Variants in CACNA2D3 observed in about 807,000 individuals in gnomAD.
The protein encoded by CACNA2D3 is voltage-dependent calcium channel subunit alpha-2/delta-3.
Under a neutral mutation model 160.6 loss-of-function variants are expected in CACNA2D3, and 60 were observed. The ratio of observed to expected loss-of-function variants is 0.37; its 90% confidence interval spans 0.30 to 0.46. The LOEUF is 0.46. CACNA2D3 is among the 20% of genes least tolerant of loss of function. The probability of loss-of-function intolerance (pLI) is 1.00; values close to 1 mark genes in which losing one functional copy is unlikely to be tolerated. For missense variants in CACNA2D3, 1,205 were observed against 1,365.0 expected (o/e 0.88, Z 1.85); for synonymous variants, 558 against 492.9 (o/e 1.13, Z -1.75).
chr3:54,597,725 T>A (rs372357362), intron 9 of CACNA2D3, among the ~76,000 whole-genome samples: 1 of 152,144 alleles, frequency 6.6e-6, no homozygotes, highest in South Asian at 2.1e-4. Flanking sequence ...ATAGGAACCC[T>A]AGATCCCGAG....
intron 11 of CACNA2D3, among the ~76,000 whole-genome samples, chr3:54,739,206 G>C (rs1701591167): frequency 6.6e-6 from 1 of 151,822 alleles, no homozygotes; most frequent in South Asian, 2.1e-4. Flanking sequence ...GATCACCTGA[G>C]GTCAGGATTT....
At chr3:54,503,418 T>C (rs1200941492) in intron 4 of CACNA2D3, 74 bp from the exon 5 acceptor site, 12 of 1,359,134 alleles carry the variant, frequency 8.8e-6, no homozygotes, top group Admixed American at 6.9e-5. Flanking sequence ...GCACATGGCC[T>C]GTGCCCAGGT....
rs141160959 is a variant in CACNA2D3 at position 54,210,923 on chromosome 3, T to C, written c.204+87329T>C. Among the ~76,000 whole-genome samples the C allele has an allele frequency of 4.9e-3, 748 of 152,268 alleles. 4 individuals are homozygous for C. Among genetic ancestry groups the C allele is most frequent in the Non-Finnish European group, 8.6e-3 (588 of 68,014 alleles). ...GTACCCATGTTTTAATGGAGGGATA[T>C]GTTAACTGGACTGGATATATAATGA... On this transcript the variant is annotated intron_variant, in intron 2 of 37. Transcript: ENST00000474759.
intron 10 of CACNA2D3, chr3:54,632,790 G>A (rs940809887): frequency 6.6e-6 from 1 of 152,158 alleles, no homozygotes. Flanking sequence ...AAGAATTGAT[G>A]GGTCTTTCAA....
intron 28 of CACNA2D3, among the ~76,000 whole-genome samples, chr3:54,969,459 C>T (rs891407839): frequency 1.3e-4 from 20 of 152,078 alleles, no homozygotes; most frequent in Non-Finnish European, 2.6e-4. Flanking sequence ...TGGGATTTCG[C>T]CATGTGGCCA....
intron 2 of CACNA2D3, among the ~76,000 whole-genome samples, chr3:54,191,405 AT>A (rs2107336955): frequency 6.6e-6 from 1 of 151,246 alleles, no homozygotes; most frequent in East Asian, 1.9e-4. Context: ...CAACATCATC[AT>A]CATCATCATC....
chr3:54,486,166 A>G (rs1413330268), intron 4 of CACNA2D3, among the ~76,000 whole-genome samples: 1 of 152,204 alleles, frequency 6.6e-6, no homozygotes, highest in Admixed American at 6.5e-5. Context: ...CCTGGAGAGA[A>G]GTAGAAAGGA....
chr3:54,368,706 T>TTTTTTTC (rs2107546986), intron 3 of CACNA2D3, among the ~76,000 whole-genome samples: 1 of 122,152 alleles, frequency 8.2e-6, no homozygotes, highest in East Asian at 2.2e-4. Flanking sequence ...TTTTTTTTTT[T>TTTTTTTC]TTTTTTTTTT....
chr3:54,533,170 A>G (rs570619444), intron 5 of CACNA2D3, among the ~76,000 whole-genome samples: 1 of 152,098 alleles, frequency 6.6e-6, no homozygotes, highest in East Asian at 1.9e-4. Context: ...ACCTAGCCTC[A>G]TTCCTGAAAG....
At chr3:54,540,200 A>G (rs1486163553) in intron 5 of CACNA2D3, among the ~76,000 whole-genome samples, 1 of 152,176 alleles carries the variant, frequency 6.6e-6, no homozygotes, top group African/African-American at 2.4e-5. Flanking sequence ...GTTTATGGAA[A>G]TAATGATTTC....
At chr3:54,683,250 C>G (rs974791472) in intron 11 of CACNA2D3, among the ~76,000 whole-genome samples, 1 of 152,144 alleles carries the variant, frequency 6.6e-6, no homozygotes, top group African/African-American at 2.4e-5. Flanking sequence ...GATGGCAGCT[C>G]CCCACAGATA....
intron 35 of CACNA2D3, among the ~76,000 whole-genome samples, chr3:55,051,040 T>G (rs1373734487): frequency 1.3e-5 from 2 of 150,162 alleles, no homozygotes; most frequent in Non-Finnish European, 3.0e-5. Flanking sequence ...TTCTTTGCCT[T>G]TGGTTTGAAT....
intron 4 of CACNA2D3, among the ~76,000 whole-genome samples, chr3:54,451,453 A>T (rs1700307532): frequency 6.6e-6 from 1 of 151,888 alleles, no homozygotes. Context: ...TCTTCTACAA[A>T]TGTCAAGTGG....
At chr3:54,649,139 G>C (rs972095423) in intron 11 of CACNA2D3, among the ~76,000 whole-genome samples, 1 of 152,092 alleles carries the variant, frequency 6.6e-6, no homozygotes, top group Non-Finnish European at 1.5e-5. Flanking sequence ...AATGTTTAGC[G>C]GCCCTTTCTC....
intron 2 of CACNA2D3, among the ~76,000 whole-genome samples, chr3:54,148,838 G>A (rs901704467): frequency 1.3e-5 from 2 of 151,964 alleles, no homozygotes; most frequent in Non-Finnish European, 2.9e-5. Flanking sequence ...TTAGCCGGGT[G>A]TGGTGGTGGG....
At chr3:54,817,647 C>A (rs898400733) in intron 14 of CACNA2D3, among the ~76,000 whole-genome samples, 2 of 152,166 alleles carry the variant, frequency 1.3e-5, no homozygotes, top group Admixed American at 1.3e-4. Flanking sequence ...AGGGCACCCC[C>A]CTGAAATTTA....
At chr3:54,448,424 G>A (rs1267080468) in intron 4 of CACNA2D3, among the ~76,000 whole-genome samples, 1 of 152,138 alleles carries the variant, frequency 6.6e-6, no homozygotes, top group Non-Finnish European at 1.5e-5. Flanking sequence ...ATGTCGTCAG[G>A]ACCCAAGCAC....
At chr3:54,187,078 G>A (rs950279459) in intron 2 of CACNA2D3, among the ~76,000 whole-genome samples, 3 of 152,196 alleles carry the variant, frequency 2.0e-5, no homozygotes, top group African/African-American at 7.2e-5. Flanking sequence ...TGCTGCTGCT[G>A]TCCCTGGGAG....
intron 4 of CACNA2D3, among the ~76,000 whole-genome samples, chr3:54,439,187 G>A (rs189952514): frequency 4.3e-4 from 65 of 152,280 alleles, no homozygotes; most frequent in African/African-American, 1.5e-3. Flanking sequence ...ATCACAGCTA[G>A]CAGCCTAGAG....
Sources: gnomAD v4.1 joint callset for allele counts (sites outside exome capture counted in the v4.1 genomes callset) on GRCh38, gnomAD v4.1.1 for gene constraint, MANE v1.5 for transcripts, NCBI Gene and HGNC (gene_info 2026-07-23, HGNC 2026-07-21) for gene names.